The following ELMO1 variants were observed in gnomAD, a reference collection of about 807,000 sequenced individuals.
ELMO1 encodes the protein engulfment and cell motility 1, also known as engulfment and cell motility protein 1.
In ELMO1, 26 loss-of-function variants were observed where a neutral mutation model predicts 98.9. The observed-to-expected ratio is 0.26, with a 90% CI of 0.19 to 0.36. The LOEUF (loss-of-function observed/expected upper bound fraction) is 0.36, where lower values mean the gene tolerates loss of function less well. Among genes scored for constraint, ELMO1 ranks in the 10% least tolerant of loss-of-function variants. The pLI, the probability that ELMO1 is intolerant of heterozygous loss-of-function variation, is 1.00. For synonymous variants in ELMO1, 346 were observed against 346.0 expected (o/e 1.00, Z 0.00); for missense variants, 627 against 935.2 (o/e 0.67, Z 4.30).
chr7:37,045,021 G>T (rs1480335530), intron 15 of ELMO1, among the ~76,000 whole-genome samples: 1 of 152,166 alleles, frequency 6.6e-6, no homozygotes, highest in Non-Finnish European at 1.5e-5. Context: ...TACTACGCCG[G>T]TATGAAGCTA....
intron 11 of ELMO1, among the ~76,000 whole-genome samples, chr7:37,215,840 G>A (rs1236090153): frequency 6.6e-6 from 1 of 152,136 alleles, no homozygotes; most frequent in Non-Finnish European, 1.5e-5. Context: ...ACTTTTCAAT[G>A]CCAGCCACCT....
At chr7:36,881,789 G>A (rs1386131899) in intron 18 of ELMO1, among the ~76,000 whole-genome samples, 4 of 152,198 alleles carry the variant, frequency 2.6e-5, no homozygotes, top group African/African-American at 9.6e-5. Context: ...ACTGTCAACT[G>A]TAATTTTTGC....
intron 15 of ELMO1, among the ~76,000 whole-genome samples, chr7:37,043,044 T>G (rs920456446): frequency 3.9e-5 from 6 of 152,212 alleles, no homozygotes; most frequent in African/African-American, 4.8e-5. Context: ...ACAGTGCCAG[T>G]CACCTAAAAA....
At chr7:37,203,152 T>C (rs1792395283) in intron 13 of ELMO1, among the ~76,000 whole-genome samples, 1 of 152,170 alleles carries the variant, frequency 6.6e-6, no homozygotes, top group South Asian at 2.1e-4. Context: ...TGGCCTTTAT[T>C]GACACATTCT....
intron 18 of ELMO1, among the ~76,000 whole-genome samples, chr7:36,883,967 GGA>G (rs1804696479): frequency 6.6e-6 from 1 of 152,110 alleles, no homozygotes; most frequent in African/African-American, 2.4e-5. Context: ...ATAAGCTTGG[GGA>G]GAGAGTGGAG....
At chr7:37,204,407 AGTT>A (rs1792486244) in intron 13 of ELMO1, 2 of 347,990 alleles carry the variant, frequency 5.7e-6, no homozygotes, top group Non-Finnish European at 1.1e-5. Flanking sequence ...GCATGTCTGG[AGTT>A]GTTCATTCCT....
chr7:37,364,199 T>G (rs1479113462), intron 1 of ELMO1, among the ~76,000 whole-genome samples: 1 of 152,198 alleles, frequency 6.6e-6, no homozygotes, highest in African/African-American at 2.4e-5. Flanking sequence ...CAATCAGTGT[T>G]TACCTCAGAA....
At chr7:37,202,543 A>G (rs1320338477) in intron 13 of ELMO1, among the ~76,000 whole-genome samples, 2 of 152,174 alleles carry the variant, frequency 1.3e-5, no homozygotes, top group African/African-American at 4.8e-5. Flanking sequence ...CTGAGAATTC[A>G]CCAGGTTTTG....
At chr7:37,312,867 T>C (rs947531481) in intron 4 of ELMO1, among the ~76,000 whole-genome samples, 23 of 152,204 alleles carry the variant, frequency 1.5e-4, no homozygotes, top group Non-Finnish European at 2.9e-5. Flanking sequence ...GGAACAAATA[T>C]TTCACAAGCA....
intron 15 of ELMO1, among the ~76,000 whole-genome samples, chr7:37,074,021 T>C (rs931315912): frequency 6.7e-5 from 10 of 150,076 alleles, no homozygotes; most frequent in Non-Finnish European, 1.2e-4. Context: ...TGTGACTATT[T>C]TAAAAAATGA....
intron 15 of ELMO1, among the ~76,000 whole-genome samples, chr7:37,078,272 G>T (rs1291991560): frequency 6.6e-6 from 1 of 152,122 alleles, no homozygotes; most frequent in African/African-American, 2.4e-5. Context: ...AAAGTACCTA[G>T]GGCACATGAA....
chr7:37,302,748 C>T (rs1798413395), intron 4 of ELMO1, among the ~76,000 whole-genome samples: 1 of 152,146 alleles, frequency 6.6e-6, no homozygotes, highest in Non-Finnish European at 1.5e-5. Context: ...ATCATCTCTA[C>T]TGATAATGAA....
intron 1 of ELMO1, among the ~76,000 whole-genome samples, chr7:37,436,106 A>G (rs1427330324): frequency 6.6e-6 from 1 of 152,240 alleles, no homozygotes; most frequent in Non-Finnish European, 1.5e-5. Flanking sequence ...AAATGGGTAC[A>G]TGTTTGAAAT....
Position 37,181,228 on chromosome 7 carries a change from C to T in ELMO1, c.1086+30158G>A, listed in dbSNP as rs146282240. ...TTAGATGGCAAACCATCAGCATGCC[C>T]AGTGGCCACAAGGCAGCCTCCCTAA... On this transcript the variant is annotated intron_variant, in intron 13 of 21. Coordinates refer to ENST00000310758, the MANE Select transcript of ELMO1 (RefSeq NM_014800.11). Among the ~76,000 whole-genome samples, 4 of 152,208 alleles carry T rather than the reference C, an allele frequency of 2.6e-5. No individual in the cohort carries two copies. The East Asian group carries it at 7.7e-4, about 29-fold the overall frequency.
chr7:37,221,673 A>G (rs974516202), intron 10 of ELMO1, among the ~76,000 whole-genome samples: 1 of 151,926 alleles, frequency 6.6e-6, no homozygotes, highest in Non-Finnish European at 1.5e-5. Flanking sequence ...GGTTCCATGT[A>G]TGTATATTAA....
chr7:37,124,411 T>A (rs1786340738), intron 14 of ELMO1, among the ~76,000 whole-genome samples: 1 of 152,172 alleles, frequency 6.6e-6, no homozygotes. Context: ...AAAATCTCCT[T>A]AAGCTGATAG....
At chr7:37,177,985 A>T (rs113832995) in intron 13 of ELMO1, among the ~76,000 whole-genome samples, 19 of 152,162 alleles carry the variant, frequency 1.2e-4, no homozygotes, top group African/African-American at 2.6e-4. Context: ...GCACTGGGGA[A>T]CTTCCTGTGA....
rs543852959 is a variant in ELMO1 at position 37,438,431 on chromosome 7, CAA to C, written c.-74+10242_-74+10243del. Among the ~76,000 whole-genome samples, 679 of 122,534 alleles carry C rather than the reference CAA, an allele frequency of 5.5e-3. 5 individuals carry two copies. Among genetic ancestry groups the C allele is most frequent in the African/African-American group, 8.4e-3 (273 of 32,484 alleles). 80.4% of individuals were successfully genotyped at this position (122,534 alleles called of 152,430 possible). A position where few individuals can be genotyped will look rare whatever the true frequency, so the allele number is the denominator to read the frequency against. On this transcript the variant is annotated intron_variant, in intron 1 of 21. Coordinates refer to ENST00000310758, the MANE Select transcript of ELMO1 (RefSeq NM_014800.11). ...TGAAATCCTGTCTCTACTAAAAATA[CAA>C]AAAAAAAAAAAAAAAAATTAGCCGG...
intron 1 of ELMO1, among the ~76,000 whole-genome samples, chr7:37,368,944 T>G (rs528478434): frequency 1.3e-5 from 2 of 152,336 alleles, no homozygotes; most frequent in East Asian, 3.9e-4. Context: ...TTCATTGGCC[T>G]TTTGTCAGTA....
Sources: allele counts gnomAD v4.1 joint callset (sites outside exome capture counted in the v4.1 genomes callset), GRCh38; gene constraint gnomAD v4.1.1; transcripts MANE v1.5; gene names NCBI Gene and HGNC (gene_info 2026-07-23, HGNC 2026-07-21).